Variants in IGLL5 observed in about 807,000 individuals in gnomAD.
The protein encoded by IGLL5 is immunoglobulin lambda-like polypeptide 5.
Under a neutral mutation model 20.9 loss-of-function variants are expected in IGLL5, and 30 were observed. That is an observed-to-expected ratio of 1.44 (90% confidence interval 1.07 to 1.95). The LOEUF (loss-of-function observed/expected upper bound fraction) is 1.95, where lower values mean the gene tolerates loss of function less well. Ranked by LOEUF, IGLL5 falls within the 30% of genes most tolerant of loss-of-function variation. The pLI is 0.00. For synonymous variants in IGLL5, 203 were observed against 117.3 expected (o/e 1.73, Z -4.72); for missense variants, 475 against 270.7 (o/e 1.75, Z -5.30).
Position 22,895,484 on chromosome 22 carries a change from T to C in IGLL5, c.435T>C (p.Ala145=), listed in dbSNP as rs372378544. The part of the protein sequence containing the change: ...VCLISDFYPG[A]VTVAWKADGS... ...TGATCAGTGACTTCTACCCGGGAGC[T>C]GTGACAGTGGCCTGGAAGGCAGATG... Residue 145 remains alanine (A), a synonymous_variant, in exon 3 of 3, where the codon GCT becomes GCC. Transcript: ENST00000526893. 2.8e-4 allele frequency: 453 copies of C among 1,612,760 alleles called. No individual in the cohort carries two copies. Among genetic ancestry groups the C allele is most frequent in the Non-Finnish European group, 3.3e-4 (392 of 1,179,578 alleles).
intron 2 of IGLL5, among the ~76,000 whole-genome samples, chr22:22,894,124 C>A: frequency 6.6e-6 from 1 of 151,462 alleles, no homozygotes; most frequent in Non-Finnish European, 1.5e-5. Context: ...TGATGAGGGG[C>A]CCTGCAGTGT....
chr22:22,888,986 A>C, intron 1 of IGLL5, among the ~76,000 whole-genome samples: 1 of 151,296 alleles, frequency 6.6e-6, no homozygotes, highest in African/African-American at 2.4e-5. Flanking sequence ...TGAGGCTGGG[A>C]GCTCCTGGGT....
At chr22:22,894,458 A>G (rs956959648) in intron 2 of IGLL5, among the ~76,000 whole-genome samples, 1 of 151,398 alleles carries the variant, frequency 6.6e-6, no homozygotes, top group African/African-American at 2.4e-5. Flanking sequence ...CTCCCAGGAC[A>G]GTCACCAGAA....
Position 22,893,772 on chromosome 22 carries a change from G to A in IGLL5, c.279G>A (p.Gln93=), listed in dbSNP as rs774675418. The A allele has an allele frequency of 2.1e-5, 34 of 1,605,500 alleles. No homozygotes were observed. Among genetic ancestry groups the A allele is most frequent in the Non-Finnish European group, 2.8e-5 (33 of 1,176,178 alleles). The stretch of plus-strand genomic sequence containing the variant: ...CCCGGGGGTTTTGGTCTGAGCCTCA[G>A]TCACTGTGTTATGTCTTCGGAACTG... The part of the protein sequence containing the change: ...CWPRGFWSEP[Q]SLCYVFGTGT... Residue 93 remains glutamine, a synonymous_variant, in exon 2 of 3, where the codon CAG becomes CAA. Transcript: ENST00000526893.
At position 22,892,902 on chromosome 22, in the gene IGLL5, C is replaced by T. The variant is rs557432024; in HGVS notation, c.207-798C>T. Among the ~76,000 whole-genome samples, 262 of 150,782 alleles carry T rather than the reference C, an allele frequency of 1.7e-3. 1 individual carries two copies. Among genetic ancestry groups the T allele is most frequent in the Non-Finnish European group, 3.0e-3 (204 of 67,806 alleles). ...GGAGGAGAGGGGGCAGTCTCAGACA[C>T]CAAGGAGGGGAGAGTGACTAGAAAG... On this transcript the variant is annotated intron_variant, in intron 1 of 2. Coordinates refer to ENST00000526893, the MANE Select transcript of IGLL5 (RefSeq NM_001178126.2).
intron 1 of IGLL5, 110 bp downstream of exon 1, chr22:22,888,369 G>A (rs2067588046): frequency 2.0e-6 from 2 of 979,360 alleles, no homozygotes; most frequent in Non-Finnish European, 3.0e-6. Flanking sequence ...ACCCCTAAGA[G>A]GGGCCTGGGC....
At chr22:22,891,423 T>C (rs1222527745) in intron 1 of IGLL5, among the ~76,000 whole-genome samples, 1 of 151,352 alleles carries the variant, frequency 6.6e-6, no homozygotes, top group East Asian at 2.0e-4. Context: ...GCCCACCCTG[T>C]TTTGATTATT....
In IGLL5 at chr22:22,888,005, G is replaced by A. The variant is rs138861788; in HGVS notation, c.-49G>A. On this transcript the variant is annotated 5_prime_UTR_variant, in exon 1 of 3. Transcript: ENST00000526893. ...AGGGACCAGGGCACCGTCCTCCAGG[G>A]AGCCCATGCTGCAAGTCGGGCCAGA... 125 of 1,450,368 alleles carry A rather than the reference G, an allele frequency of 8.6e-5. 1 individual carries two copies. In the East Asian group the frequency reaches 3.0e-3, roughly 35 times the overall value. 89.8% of individuals were successfully genotyped at this position (1,450,368 alleles called of 1,614,324 possible).
intron 1 of IGLL5, among the ~76,000 whole-genome samples, chr22:22,889,468 C>A (rs1601608411): frequency 6.6e-6 from 1 of 151,296 alleles, no homozygotes; most frequent in South Asian, 2.1e-4. Flanking sequence ...ATAATCAAAG[C>A]TGTAACCAAA....
At chr22:22,894,364 G>T in intron 2 of IGLL5, among the ~76,000 whole-genome samples, 1 of 151,518 alleles carries the variant, frequency 6.6e-6, no homozygotes, top group Admixed American at 6.6e-5. Flanking sequence ...GGTCTAGGCT[G>T]CAGCTCTGTG....
Position 22,888,244 on chromosome 22 carries a change from G to A in IGLL5, c.191G>A (p.Arg64Gln), listed in dbSNP as rs534077784. The change falls in exon 1 of 3, where the codon CGG (arginine) becomes CAG (glutamine). Residue 64 changes from arginine to glutamine, a missense_variant. By Grantham distance (43) the Arg-to-Gln change is conservative. Coordinates refer to ENST00000526893, the MANE Select transcript of IGLL5 (RefSeq NM_001178126.2). ...ASVGSSRSSL[R>Q]SLWGRLLLQP... ...GTTGGAAGCAGCCGATCCAGCCTGC[G>A]GAGCCTGTGGGGCAGGTAAGGGGCA... 73 of 1,547,842 alleles carry A rather than the reference G, an allele frequency of 4.7e-5. No homozygotes were observed. In the African/African-American group the frequency reaches 5.5e-4, roughly 12 times the overall value.
Position 22,895,147 on chromosome 22 carries a change from G to A in IGLL5, c.326-228G>A, listed in dbSNP as rs895937640. ...TTGAGGCTGTAGAGGAGAGGGGCTG[G>A]GCCAGGACACCTGTGAAAGGTGACT... On this transcript the variant is annotated intron_variant, in intron 2 of 2. Coordinates refer to ENST00000526893, the MANE Select transcript of IGLL5 (RefSeq NM_001178126.2). Among the ~76,000 whole-genome samples the A allele has an allele frequency of 7.9e-5, 12 of 151,336 alleles. 1 individual carries two copies. Among genetic ancestry groups the A allele is most frequent in the African/African-American group, 2.4e-4 (10 of 41,206 alleles).
rs535193096 is a variant in IGLL5, at chr22:22,888,071, C to T, written c.18C>T (p.Gly6=). 1.3e-6 allele frequency: 2 copies of T among 1,549,240 alleles called. No homozygotes were observed. The highest frequency in any genetic ancestry group is 1.2e-5 in the South Asian group (1 of 83,984). Residue 6 remains glycine (G), a synonymous_variant, in exon 1 of 3, where the codon GGC becomes GGT. Coordinates refer to ENST00000526893, the MANE Select transcript of IGLL5 (RefSeq NM_001178126.2). ...GAAGGCCAATGAGACCCAAGACAGG[C>T]CAAGTGGGTTGTGAGACCCCTGAGG... MRPKT[G]QVGCETPEEL... is the part of the protein sequence containing the mutation.
At position 22,893,945 on chromosome 22, in the gene IGLL5, A is replaced by T. The variant is rs577519928; in HGVS notation, c.325+127A>T. 3.5e-5 allele frequency: 26 copies of T among 736,582 alleles called. 2 individuals are homozygous for T. Among genetic ancestry groups the T allele is most frequent in the Middle Eastern group, 2.4e-4 (1 of 4,210 alleles). The allele number at this position is 736,582 out of a possible 1,614,324, so 45.6% of individuals were successfully genotyped here. On this transcript the variant is annotated intron_variant, in intron 2 of 2. Transcript: ENST00000526893. ...TAAGCACTGACCCTTACCTTTCTCC[A>T]TGGGGCCTGGAGGAGGTGCATTAGT... is the stretch of plus-strand genomic sequence containing the variant.
At chr22:22,890,525 A>G (rs2067804244) in intron 1 of IGLL5, among the ~76,000 whole-genome samples, 1 of 142,896 alleles carries the variant, frequency 7.0e-6, no homozygotes, top group African/African-American at 2.6e-5. Flanking sequence ...TAAAAAATCT[A>G]AATGACAAAT....
intron 2 of IGLL5, 88 bp downstream of exon 2, chr22:22,893,906 T>A (rs2067945567): frequency 3.3e-6 from 3 of 916,382 alleles, no homozygotes; most frequent in East Asian, 2.4e-5. Context: ...TCCTCCCCTC[T>A]GTCCTCCCAG....
intron 1 of IGLL5, among the ~76,000 whole-genome samples, chr22:22,892,953 G>T (rs1306352096): frequency 6.6e-6 from 1 of 151,028 alleles, no homozygotes; most frequent in African/African-American, 2.4e-5. Context: ...AGACATAGGG[G>T]ATGGGGAAGA....
At chr22:22,888,457 C>G (rs781724837) in intron 1 of IGLL5, among the ~76,000 whole-genome samples, 198 bp downstream of exon 1, 4 of 151,398 alleles carry the variant, frequency 2.6e-5, no homozygotes, top group Admixed American at 6.6e-5. Flanking sequence ...TATCATATTA[C>G]GATATTATTT....
At chr22:22,892,270 G>A (rs1411903203) in intron 1 of IGLL5, among the ~76,000 whole-genome samples, 7 of 151,048 alleles carry the variant, frequency 4.6e-5, no homozygotes, top group Non-Finnish European at 1.0e-4. Context: ...AAAATCTTCT[G>A]CACATGTCTT....
Sources: allele counts gnomAD v4.1 joint callset (sites outside exome capture counted in the v4.1 genomes callset), GRCh38; gene constraint gnomAD v4.1.1; transcripts MANE v1.5; gene names NCBI Gene and HGNC (gene_info 2026-07-23, HGNC 2026-07-21).